CHURC1: variants seen among roughly 807,000 people sequenced by gnomAD.
CHURC1 encodes churchill domain containing 1.
CHURC1 carries 12 observed loss-of-function variants against 15.4 expected under a neutral mutation model. The ratio of observed to expected loss-of-function variants is 0.78; its 90% CI spans 0.50 to 1.27. The LOEUF (loss-of-function observed/expected upper bound fraction) is 1.27, where lower values mean the gene tolerates loss of function less well. Among genes scored for constraint, CHURC1 ranks in the 50% most tolerant of loss-of-function variants. CHURC1 has a pLI of 0.00. For missense variants in CHURC1, 132 were observed against 137.8 expected (o/e 0.96, Z 0.21); for synonymous variants, 42 against 47.5 (o/e 0.88, Z 0.48).
In CHURC1 at chr14:64,933,975, A is replaced by G. The variant is rs1027088398; in HGVS notation, c.*1745A>G. 1.0e-6 allele frequency: 1 copy of G among 985,452 alleles called. No individual in the cohort carries two copies. The highest frequency in any genetic ancestry group is 1.2e-6 in the Non-Finnish European group (1 of 829,928). 61.0% of individuals were successfully genotyped at this position (985,452 alleles called of 1,614,324 possible). A position where few individuals can be genotyped will look rare whatever the true frequency, so the allele number is the denominator to read the frequency against. On this transcript the variant is annotated 3_prime_UTR_variant, in exon 4 of 4. Transcript: ENST00000549115. The stretch of plus-strand genomic sequence containing the variant: ...TATGGCTTGTTATTTGTAAGTTATC[A>G]TGAAAAGGTTTATATTCACTATTCT...
chr14:64,932,286 C>A lies in CHURC1; in HGVS notation c.*56C>A. The A allele has an allele frequency of 1.3e-6, 2 of 1,581,692 alleles. No individual in the cohort carries two copies. The highest frequency in any genetic ancestry group is 1.7e-6 in the Non-Finnish European group (2 of 1,160,390). ...TTGTGTTGGTTTACAATACAGCAAG[C>A]CTGATGGTTTGTCTTATTTCATTCA... On this transcript the variant is annotated 3_prime_UTR_variant, in exon 4 of 4. Coordinates refer to ENST00000549115, the MANE Select transcript of CHURC1 (RefSeq NM_001386928.1).
chr14:64,934,549 T>G lies in CHURC1; in HGVS notation c.*2319T>G. The G allele has an allele frequency of 1.0e-6, 1 of 985,442 alleles. No homozygotes were observed. The highest frequency in any genetic ancestry group is 1.2e-6 in the Non-Finnish European group (1 of 829,930). The allele number at this position is 985,442 out of a possible 1,614,324, so 61.0% of individuals were successfully genotyped here. A position where few individuals can be genotyped will look rare whatever the true frequency, so the allele number is the denominator to read the frequency against. ...GGGCATGTCAGATGAAGATTTATTATTCAGAAAAGTTAAGTCAGCTGTTGC... is the reference window on the plus strand; with the variant it reads ...GGGCATGTCAGATGAAGATTTATTAGTCAGAAAAGTTAAGTCAGCTGTTGC... On this transcript the variant is annotated 3_prime_UTR_variant, in exon 4 of 4. Transcript: ENST00000549115.
chr14:64,914,573 C>G, intron 1 of CHURC1, 39 bp downstream of exon 1: 1 of 1,613,434 alleles, frequency 6.2e-7, no homozygotes, highest in South Asian at 1.1e-5. Context: ...CGGGCGGCCC[C>G]CGAGGTGTCT....
intron 1 of CHURC1, among the ~76,000 whole-genome samples, chr14:64,914,818 TCCCCCA>T (rs1428462656): frequency 2.0e-5 from 3 of 152,006 alleles, no homozygotes; most frequent in African/African-American, 7.3e-5. Context: ...ACCGAGGGAC[TCCCCCA>T]CCCCCACTTC....
chr14:64,916,435 A>G (rs1408170446), intron 1 of CHURC1, among the ~76,000 whole-genome samples: 1 of 152,216 alleles, frequency 6.6e-6, no homozygotes, highest in East Asian at 1.9e-4. Context: ...TTTATGTTTC[A>G]TGTACTTTAC....
chr14:64,927,060 G>T (rs1194768304), intron 3 of CHURC1, among the ~76,000 whole-genome samples: 1 of 152,170 alleles, frequency 6.6e-6, no homozygotes, highest in Non-Finnish European at 1.5e-5. Context: ...ACAGCCGAGA[G>T]AATTTTTTCA....
chr14:64,917,830 A>G (rs1883995983), intron 1 of CHURC1, among the ~76,000 whole-genome samples: 1 of 152,232 alleles, frequency 6.6e-6, no homozygotes, highest in Non-Finnish European at 1.5e-5. Context: ...GGCAACTGGG[A>G]TGTTGGAAGT....
At chr14:64,917,848 C>T (rs1883997804) in intron 1 of CHURC1, among the ~76,000 whole-genome samples, 1 of 152,174 alleles carries the variant, frequency 6.6e-6, no homozygotes, top group Non-Finnish European at 1.5e-5. Flanking sequence ...AGTATCATTA[C>T]AGAAATTGGA....
chr14:64,934,036 T>C lies in CHURC1; in HGVS notation c.*1806T>C. 1 of 983,726 alleles carries C rather than the reference T, an allele frequency of 1.0e-6. No homozygotes were observed. Among genetic ancestry groups the C allele is most frequent in the South Asian group, 4.7e-5 (1 of 21,188 alleles). The allele number at this position is 983,726 out of a possible 1,614,324, so 60.9% of individuals were successfully genotyped here. A position where few individuals can be genotyped will look rare whatever the true frequency, so the allele number is the denominator to read the frequency against. ...GTAGCACTTTTAGAGCCAAAAAAAC[T>C]CAGGCACAAAGAAGTTAAATAACTT... On this transcript the variant is annotated 3_prime_UTR_variant, in exon 4 of 4. Transcript: ENST00000549115.
rs1439483523 is a variant in CHURC1, at chr14:64,933,969, G to A, written c.*1739G>A. On this transcript the variant is annotated 3_prime_UTR_variant, in exon 4 of 4. Transcript: ENST00000549115. ...ACCAGATATGGCTTGTTATTTGTAA[G>A]TTATCATGAAAAGGTTTATATTCAC... 11 of 985,398 alleles carry A rather than the reference G, an allele frequency of 1.1e-5. No homozygotes were observed. Among genetic ancestry groups the A allele is most frequent in the Middle Eastern group, 5.2e-4 (1 of 1,914 alleles). The allele number at this position is 985,398 out of a possible 1,614,324, so 61.0% of individuals were successfully genotyped here. A position where few individuals can be genotyped will look rare whatever the true frequency, so the allele number is the denominator to read the frequency against.
intron 3 of CHURC1, chr14:64,931,024 T>G (rs1885050935): frequency 3.1e-6 from 1 of 324,028 alleles, no homozygotes; most frequent in African/African-American, 2.2e-5. Flanking sequence ...TCTGTGGCCC[T>G]CTCTAGTGAC....
rs899531497 is a variant in CHURC1 at position 64,933,719 on chromosome 14, C to T, written c.*1489C>T. 63 of 985,296 alleles carry T rather than the reference C, an allele frequency of 6.4e-5. No individual in the cohort carries two copies. Among genetic ancestry groups the T allele is most frequent in the Non-Finnish European group, 7.5e-5 (62 of 829,928 alleles). 61.0% of individuals were successfully genotyped at this position (985,296 alleles called of 1,614,324 possible). A position where few individuals can be genotyped will look rare whatever the true frequency, so the allele number is the denominator to read the frequency against. On this transcript the variant is annotated 3_prime_UTR_variant, in exon 4 of 4. Transcript: ENST00000549115. ...TCAGGCATTAGAAACAAAAGTGTTTCTTCATATCTAGGAGATTTGGAAATT... is the reference window on the plus strand; with the variant it reads ...TCAGGCATTAGAAACAAAAGTGTTTTTTCATATCTAGGAGATTTGGAAATT...
chr14:64,917,729 A>G (rs1883989343), intron 1 of CHURC1, among the ~76,000 whole-genome samples: 1 of 152,234 alleles, frequency 6.6e-6, no homozygotes, highest in Non-Finnish European at 1.5e-5. Flanking sequence ...TGTTGAAAAA[A>G]AAAAGAATTA....
chr14:64,918,813 A>G (rs1555383068), intron 1 of CHURC1, among the ~76,000 whole-genome samples: 1 of 152,218 alleles, frequency 6.6e-6, no homozygotes, highest in Non-Finnish European at 1.5e-5. Context: ...AGCCTGAGCA[A>G]CAGAGCAAAA....
At position 64,932,805 on chromosome 14, in the gene CHURC1, T is replaced by G. The variant is rs1221764089; in HGVS notation, c.*575T>G. 1 of 152,226 alleles carries G rather than the reference T, an allele frequency of 6.6e-6. No homozygotes were observed. The highest frequency in any genetic ancestry group is 6.5e-5 in the Admixed American group (1 of 15,278). The allele number at this position is 152,226 out of a possible 1,614,324, so 9.4% of individuals were successfully genotyped here. On this transcript the variant is annotated 3_prime_UTR_variant, in exon 4 of 4. Coordinates refer to ENST00000549115, the MANE Select transcript of CHURC1 (RefSeq NM_001386928.1). ...ACAAGCCCAAACTAATATAAATGAT[T>G]GAATGGGAACAAATCTCTTGTGCAG...
intron 1 of CHURC1, among the ~76,000 whole-genome samples, chr14:64,923,424 A>G (rs1449380174): frequency 6.6e-6 from 1 of 152,200 alleles, no homozygotes; most frequent in Non-Finnish European, 1.5e-5. Flanking sequence ...TTACGAAATG[A>G]AGAACTTAAG....
chr14:64,931,340 C>T (rs1312929915), intron 3 of CHURC1, among the ~76,000 whole-genome samples: 2 of 151,910 alleles, frequency 1.3e-5, no homozygotes, highest in Non-Finnish European at 2.9e-5. Context: ...TTGAGGCCAC[C>T]CTGGGCAACA....
intron 1 of CHURC1, among the ~76,000 whole-genome samples, chr14:64,916,134 ACAG>A (rs1883866416): frequency 6.6e-6 from 1 of 152,260 alleles, no homozygotes; most frequent in Non-Finnish European, 1.5e-5. Flanking sequence ...CTAGAATTAC[ACAG>A]CAGCCTGAAA....
At chr14:64,922,446 C>T (rs918292058) in intron 1 of CHURC1, among the ~76,000 whole-genome samples, 8 of 151,690 alleles carry the variant, frequency 5.3e-5, no homozygotes, top group African/African-American at 1.2e-4. Context: ...GGCGTGGTGG[C>T]GGGCACCTGT....
Sources: allele counts gnomAD v4.1 joint callset (sites outside exome capture counted in the v4.1 genomes callset), GRCh38; gene constraint gnomAD v4.1.1; transcripts MANE v1.5; gene names NCBI Gene and HGNC (gene_info 2026-07-23, HGNC 2026-07-21).